The following PLPPR1 variants were observed in gnomAD, a reference collection of about 807,000 sequenced individuals.
PLPPR1 encodes phospholipid phosphatase-related protein type 1.
In PLPPR1, 10 loss-of-function variants were observed where a neutral mutation model predicts 33.1. The ratio of observed to expected loss-of-function variants is 0.30; its 90% CI spans 0.19 to 0.51. PLPPR1 has a LOEUF of 0.51. Among genes scored for constraint, PLPPR1 ranks in the 20% least tolerant of loss-of-function variants. The pLI, the probability that PLPPR1 is intolerant of heterozygous loss-of-function variation, is 0.97. For missense variants in PLPPR1, 304 were observed against 408.1 expected (o/e 0.74, Z 2.20); for synonymous variants, 151 against 151.0 (o/e 1.00, Z 0.00).
In PLPPR1 at chr9:101,196,561, A is replaced by T. The variant is rs1737888662; in HGVS notation, c.63+11004A>T. Among the ~76,000 whole-genome samples, 3 of 152,194 alleles carry T rather than the reference A, an allele frequency of 2.0e-5. No individual in the cohort carries two copies. The South Asian group carries it at 6.2e-4, about 32-fold the overall frequency. On this transcript the variant is annotated intron_variant, in intron 2 of 7. Transcript: ENST00000374874. Reference sequence around the variant, plus strand: ...TTATATAGTGGACCACTATGCATTGATTAAAGAATTATATTGTTGGCCGGA... The same window carrying T: ...TTATATAGTGGACCACTATGCATTGTTTAAAGAATTATATTGTTGGCCGGA...
At chr9:101,302,535 A>C (rs901150700) in intron 4 of PLPPR1, among the ~76,000 whole-genome samples, 7 of 152,214 alleles carry the variant, frequency 4.6e-5, no homozygotes, top group Non-Finnish European at 1.0e-4. Flanking sequence ...GGGGATCCTG[A>C]TGTGGAAAAG....
At chr9:101,137,805 A>G (rs1421973779) in intron 1 of PLPPR1, among the ~76,000 whole-genome samples, 4 of 152,224 alleles carry the variant, frequency 2.6e-5, no homozygotes, top group Admixed American at 6.5e-5. Flanking sequence ...AGGGTTTACA[A>G]ATTTCCTAAA....
At chr9:101,305,505 C>A (rs1307523203) in intron 4 of PLPPR1, among the ~76,000 whole-genome samples, 4 of 152,052 alleles carry the variant, frequency 2.6e-5, no homozygotes, top group Admixed American at 2.6e-4. Flanking sequence ...GAGGCTCTAC[C>A]CAAGGTCTCA....
At chr9:101,316,008 C>A (rs1829044467) in intron 6 of PLPPR1, among the ~76,000 whole-genome samples, 1 of 152,298 alleles carries the variant, frequency 6.6e-6, no homozygotes, top group East Asian at 1.9e-4. Context: ...TATTCCTATC[C>A]TCATTTTATA....
chr9:101,092,387 C>T (rs1830752826), intron 1 of PLPPR1, among the ~76,000 whole-genome samples: 1 of 152,138 alleles, frequency 6.6e-6, no homozygotes, highest in African/African-American at 2.4e-5. Context: ...TCATATCTGT[C>T]CAGTTTATCA....
At chr9:101,155,015 A>T (rs1186991042) in intron 1 of PLPPR1, among the ~76,000 whole-genome samples, 1 of 151,602 alleles carries the variant, frequency 6.6e-6, no homozygotes, top group East Asian at 2.0e-4. Flanking sequence ...AATGTAAATG[A>T]TGAGTTAATG....
chr9:101,319,759 G>A (rs1331007050), intron 7 of PLPPR1, among the ~76,000 whole-genome samples: 1 of 152,170 alleles, frequency 6.6e-6, no homozygotes, highest in Non-Finnish European at 1.5e-5. Context: ...CCTGTGTTTA[G>A]TGAAGTCAGA....
At chr9:101,113,045 T>C (rs1831075696) in intron 1 of PLPPR1, among the ~76,000 whole-genome samples, 1 of 152,218 alleles carries the variant, frequency 6.6e-6, no homozygotes, top group Non-Finnish European at 1.5e-5. Context: ...CTTCTAATTA[T>C]CTATTCACAG....
chr9:101,228,097 G>A (rs1827108119), intron 2 of PLPPR1, among the ~76,000 whole-genome samples: 1 of 152,146 alleles, frequency 6.6e-6, no homozygotes, highest in African/African-American at 2.4e-5. Flanking sequence ...TTTTAACTCA[G>A]ATCAATCTGA....
chr9:101,241,784 G>C (rs948209456), intron 2 of PLPPR1, among the ~76,000 whole-genome samples: 1 of 152,042 alleles, frequency 6.6e-6, no homozygotes, highest in African/African-American at 2.4e-5. Flanking sequence ...AGGAAGATCT[G>C]AGTGGTAAAA....
At chr9:101,200,207 C>G (rs1455228836) in intron 2 of PLPPR1, among the ~76,000 whole-genome samples, 1 of 152,154 alleles carries the variant, frequency 6.6e-6, no homozygotes, top group Non-Finnish European at 1.5e-5. Context: ...TTCCTCATTC[C>G]TCAGTGGGAC....
intron 1 of PLPPR1, among the ~76,000 whole-genome samples, chr9:101,101,154 C>CT (rs1208957088): frequency 2.6e-5 from 4 of 152,044 alleles, no homozygotes; most frequent in Non-Finnish European, 5.9e-5. Flanking sequence ...TGGTTCTTGA[C>CT]TTTTTTGTGT....
intron 1 of PLPPR1, among the ~76,000 whole-genome samples, chr9:101,132,810 C>T (rs541492121): frequency 1.3e-5 from 2 of 152,070 alleles, no homozygotes; most frequent in African/African-American, 4.8e-5. Flanking sequence ...TGCTGTAAAC[C>T]TAAATCTGCT....
intron 5 of PLPPR1, 98 bp downstream of exon 5, chr9:101,309,559 C>G: frequency 7.4e-7 from 1 of 1,350,948 alleles, no homozygotes; most frequent in Admixed American, 2.1e-5. Flanking sequence ...TATAGCGACT[C>G]TTAAATTTAT....
At chr9:101,280,255 G>GT (rs1314036273) in intron 3 of PLPPR1, among the ~76,000 whole-genome samples, 1 of 152,006 alleles carries the variant, frequency 6.6e-6, no homozygotes, top group East Asian at 1.9e-4. Context: ...TCCAAAACTT[G>GT]AATAGATCAA....
At chr9:101,052,284 C>T (rs1830231290) in intron 1 of PLPPR1, among the ~76,000 whole-genome samples, 1 of 152,100 alleles carries the variant, frequency 6.6e-6, no homozygotes, top group African/African-American at 2.4e-5. Context: ...GAGTGGTTTT[C>T]AACTGGTGGT....
At chr9:101,310,482 A>G (rs1179853214) in intron 5 of PLPPR1, among the ~76,000 whole-genome samples, 1 of 152,220 alleles carries the variant, frequency 6.6e-6, no homozygotes, top group Non-Finnish European at 1.5e-5. Flanking sequence ...ACATCTGAGT[A>G]TGCCCTCAAC....
chr9:101,299,846 A>G (rs994857961), intron 4 of PLPPR1, among the ~76,000 whole-genome samples: 26 of 152,128 alleles, frequency 1.7e-4, no homozygotes, highest in African/African-American at 4.3e-4. Context: ...ACTTGTGTGC[A>G]TTGTATTAAT....
chr9:101,183,674 T>C, intron 1 of PLPPR1, among the ~76,000 whole-genome samples: 1 of 150,606 alleles, frequency 6.6e-6, no homozygotes, highest in Non-Finnish European at 1.5e-5. Flanking sequence ...TACCTCACTG[T>C]AGTTACTCCC....
Sources: gnomAD v4.1 joint callset for allele counts (sites outside exome capture counted in the v4.1 genomes callset) on GRCh38, gnomAD v4.1.1 for gene constraint, MANE v1.5 for transcripts, NCBI Gene and HGNC (gene_info 2026-07-23, HGNC 2026-07-21) for gene names.